The following RBFOX1 variants were observed in gnomAD, a reference collection of about 807,000 sequenced individuals.
RBFOX1 encodes the protein RNA binding protein fox-1 homolog 1.
A neutral mutation model predicts 57.7 loss-of-function variants in RBFOX1; 8 were observed. That is an observed-to-expected ratio of 0.14 (90% CI 0.08 to 0.25). RBFOX1 has a LOEUF of 0.25. RBFOX1 is among the 10% of genes least tolerant of loss of function. RBFOX1 has a pLI of 1.00. For synonymous variants in RBFOX1, 326 were observed against 222.4 expected, an observed-to-expected ratio of 1.47 and a Z score of -4.15; for missense variants, 611 against 548.5, an observed-to-expected ratio of 1.11 and a Z score of -1.14.
intron 4 of RBFOX1, among the ~76,000 whole-genome samples, chr16:7,413,338 C>G (rs931386663): frequency 6.6e-6 from 1 of 151,938 alleles, no homozygotes; most frequent in African/African-American, 2.4e-5. Flanking sequence ...CTTCCCCAGT[C>G]TTCCTCTGTA....
chr16:7,474,083 T>G (rs918870603), intron 4 of RBFOX1, among the ~76,000 whole-genome samples: 4 of 152,078 alleles, frequency 2.6e-5, no homozygotes, highest in African/African-American at 9.7e-5. Context: ...GGTCAGGAGT[T>G]TGAGACCAGT....
intron 4 of RBFOX1, among the ~76,000 whole-genome samples, chr16:5,894,824 A>G (rs1438491069): frequency 2.6e-5 from 4 of 152,064 alleles, no homozygotes; most frequent in Admixed American, 2.6e-4. Flanking sequence ...GATCGAGACC[A>G]TCTTGGCTAA....
chr16:6,084,106 C>G (rs554489876), intron 1 of RBFOX1, among the ~76,000 whole-genome samples: 1 of 152,308 alleles, frequency 6.6e-6, no homozygotes, highest in African/African-American at 2.4e-5. Flanking sequence ...GCTTTTCAAT[C>G]TGTAAATACG....
chr16:5,463,878 T>C (rs938963694), intron 1 of RBFOX1, among the ~76,000 whole-genome samples: 2 of 151,750 alleles, frequency 1.3e-5, no homozygotes, highest in African/African-American at 4.8e-5. Flanking sequence ...ATGCAACCAC[T>C]GTGGGAGGTC....
chr16:7,090,594 C>G (rs2060665540), intron 4 of RBFOX1, among the ~76,000 whole-genome samples: 1 of 152,080 alleles, frequency 6.6e-6, no homozygotes, highest in African/African-American at 2.4e-5. Context: ...CCTTAAATTT[C>G]TTTAAGAAGG....
At chr16:6,859,815 G>T (rs2058687097) in intron 3 of RBFOX1, among the ~76,000 whole-genome samples, 2 of 150,934 alleles carry the variant, frequency 1.3e-5, no homozygotes, top group Non-Finnish European at 3.0e-5. Context: ...TATTTTTTCT[G>T]CCATTCTTGT....
chr16:6,559,096 A>G (rs150133655), intron 2 of RBFOX1, among the ~76,000 whole-genome samples: 44 of 145,040 alleles, frequency 3.0e-4, no homozygotes, highest in Non-Finnish European at 5.4e-4. Flanking sequence ...CTTTTCCTCC[A>G]GTTTATATAT....
chr16:5,365,733 C>G (rs779336560), intron 1 of RBFOX1: 11 of 432,194 alleles, frequency 2.5e-5, no homozygotes, highest in Non-Finnish European at 4.5e-5. Flanking sequence ...TGGCTGTTCT[C>G]TTGAGCAGTG....
At position 6,130,458 on chromosome 16, in the gene RBFOX1, A is replaced by G. The variant is rs138137503; in HGVS notation, c.-127+110466A>G. ...GATTTGCTTAATAAAAAAGAAGTCAAGAAATAAGGAATAAAATGAAACATA... is the reference window on the plus strand; with the variant it reads ...GATTTGCTTAATAAAAAAGAAGTCAGGAAATAAGGAATAAAATGAAACATA... On this transcript the variant is annotated intron_variant, in intron 1 of 15. Coordinates refer to ENST00000550418, the MANE Select transcript of RBFOX1 (RefSeq NM_018723.4). Among the ~76,000 whole-genome samples, 364 of 152,306 alleles carry G rather than the reference A, an allele frequency of 2.4e-3. 3 individuals are homozygous for G. Among genetic ancestry groups the G allele is most frequent in the African/African-American group, 8.0e-3 (333 of 41,580 alleles).
At chr16:5,461,850 C>T (rs2021864) in intron 1 of RBFOX1, among the ~76,000 whole-genome samples, 53,570 of 152,012 alleles carry the variant, frequency 0.35, 10,737 homozygotes, top group East Asian at 0.51. Context: ...AGGCATTTAT[C>T]TTTGAGAGCC....
chr16:7,702,540 C>T (rs542923186), intron 14 of RBFOX1, among the ~76,000 whole-genome samples: 31 of 152,252 alleles, frequency 2.0e-4, no homozygotes, highest in East Asian at 5.8e-4. Flanking sequence ...TGATTGACAA[C>T]GGATTCATTT....
chr16:6,579,353 A>T (rs998752526), intron 2 of RBFOX1, among the ~76,000 whole-genome samples: 4 of 151,914 alleles, frequency 2.6e-5, no homozygotes, highest in Admixed American at 2.6e-4. Context: ...ATATGCATGC[A>T]CCACCACACC....
At chr16:6,244,944 T>C (rs1032388685) in intron 1 of RBFOX1, among the ~76,000 whole-genome samples, 4 of 152,060 alleles carry the variant, frequency 2.6e-5, no homozygotes, top group African/African-American at 7.2e-5. Context: ...TTGTTTTGTT[T>C]TGTTTTGTTT....
intron 4 of RBFOX1, among the ~76,000 whole-genome samples, chr16:5,978,903 AG>A (rs2060121580): frequency 6.6e-6 from 1 of 152,130 alleles, no homozygotes; most frequent in Admixed American, 6.5e-5. Flanking sequence ...TGGTGGGCTG[AG>A]GGGGTGGCTG....
intron 3 of RBFOX1, among the ~76,000 whole-genome samples, chr16:5,735,388 A>G (rs1221967000): frequency 2.6e-5 from 4 of 152,210 alleles, no homozygotes; most frequent in Admixed American, 6.5e-5. Flanking sequence ...CCGTCCTCAC[A>G]GAATGTCACA....
intron 4 of RBFOX1, among the ~76,000 whole-genome samples, chr16:7,150,130 T>C (rs1013818197): frequency 1.3e-5 from 2 of 152,200 alleles, no homozygotes; most frequent in African/African-American, 2.4e-5. Flanking sequence ...CATAGGGCTT[T>C]CATGGTCTGT....
At chr16:5,375,960 A>G (rs2065973380) in intron 1 of RBFOX1, among the ~76,000 whole-genome samples, 1 of 152,060 alleles carries the variant, frequency 6.6e-6, no homozygotes, top group East Asian at 1.9e-4. Context: ...TGAGGTCGGG[A>G]GTCTGAGACC....
intron 2 of RBFOX1, among the ~76,000 whole-genome samples, chr16:6,533,882 C>T (rs1032413626): frequency 6.6e-6 from 1 of 152,002 alleles, no homozygotes; most frequent in Non-Finnish European, 1.5e-5. Flanking sequence ...GACAGACTTC[C>T]TCAAAATTAA....
At chr16:5,313,524 C>T (rs567416994) in intron 1 of RBFOX1, among the ~76,000 whole-genome samples, 1 of 152,184 alleles carries the variant, frequency 6.6e-6, no homozygotes, top group South Asian at 2.1e-4. Flanking sequence ...CATATTCATG[C>T]TGCTGATAAA....
Sources: gnomAD v4.1 joint callset for allele counts (sites outside exome capture counted in the v4.1 genomes callset) on GRCh38, gnomAD v4.1.1 for gene constraint, MANE v1.5 for transcripts, NCBI Gene and HGNC (gene_info 2026-07-23, HGNC 2026-07-21) for gene names.